The following RBFOX1 variants were observed in gnomAD, a reference collection of about 807,000 sequenced individuals.
RBFOX1 encodes RNA binding protein fox-1 homolog 1.
A neutral mutation model predicts 57.7 loss-of-function variants in RBFOX1; 8 were observed. The ratio of observed to expected loss-of-function variants is 0.14; its 90% CI spans 0.08 to 0.25. The LOEUF (loss-of-function observed/expected upper bound fraction) is 0.25, where lower values mean the gene tolerates loss of function less well. Among genes scored for constraint, RBFOX1 ranks in the 10% least tolerant of loss-of-function variants. RBFOX1 has a pLI of 1.00. For missense variants in RBFOX1, 611 were observed against 548.5 expected, an observed-to-expected ratio of 1.11 and a Z score of -1.14; for synonymous variants, 326 against 222.4, an observed-to-expected ratio of 1.47 and a Z score of -4.15.
chr16:7,613,851 G>A (rs769297292), intron 10 of RBFOX1, among the ~76,000 whole-genome samples: 1 of 152,090 alleles, frequency 6.6e-6, no homozygotes, highest in African/African-American at 2.4e-5. Flanking sequence ...AGTTAAGATT[G>A]TCTAGAACCC....
chr16:6,240,948 C>T (rs191175224), intron 1 of RBFOX1, among the ~76,000 whole-genome samples: 6 of 152,264 alleles, frequency 3.9e-5, no homozygotes, highest in African/African-American at 9.6e-5. Flanking sequence ...GTGTTTCTAC[C>T]GACTCACCCT....
intron 3 of RBFOX1, among the ~76,000 whole-genome samples, chr16:5,844,597 A>G (rs2056704934): frequency 6.6e-6 from 1 of 152,192 alleles, no homozygotes; most frequent in Admixed American, 6.5e-5. Flanking sequence ...CAAGGGAAAA[A>G]GGAAGGGGGA....
rs1006821072 is a variant in RBFOX1, at chr16:7,518,359, G to A, written c.240G>A (p.Thr80=). The A allele has an allele frequency of 3.7e-6, 6 of 1,612,760 alleles. No individual in the cohort carries two copies. The highest frequency in any genetic ancestry group is 2.7e-5 in the African/African-American group (2 of 75,036). The change falls in exon 5 of 16, where the codon ACG becomes ACA. Residue 80 remains threonine, a synonymous_variant. Transcript: ENST00000550418. ...ACTCCGAGCAGAGCCCGGCGGACAC[G>A]AGCGCTCAGACCGTCTCTGGCACCG... ...QTHSEQSPAD[T]SAQTVSGTAT...
intron 4 of RBFOX1, among the ~76,000 whole-genome samples, chr16:7,362,545 T>A (rs2097348764): frequency 6.6e-6 from 1 of 152,064 alleles, no homozygotes; most frequent in Non-Finnish European, 1.5e-5. Context: ...TGTGTAGATG[T>A]TAGTGTGTGG....
At chr16:6,833,141 GTATTTTATTT>G (rs572398164) in intron 3 of RBFOX1, among the ~76,000 whole-genome samples, 5 of 150,762 alleles carry the variant, frequency 3.3e-5, no homozygotes, top group South Asian at 4.2e-4. Context: ...TTCAAGTCTT[GTATTTTATTT>G]TATTTTATTT....
chr16:7,515,089 C>T (rs940340002), intron 4 of RBFOX1, among the ~76,000 whole-genome samples: 1 of 152,054 alleles, frequency 6.6e-6, no homozygotes, highest in Non-Finnish European at 1.5e-5. Context: ...GCAGAAGCTG[C>T]CTCTGGCACA....
chr16:6,463,506 G>A (rs912821004), intron 2 of RBFOX1, among the ~76,000 whole-genome samples: 3 of 152,142 alleles, frequency 2.0e-5, no homozygotes, highest in Non-Finnish European at 4.4e-5. Flanking sequence ...TGATGAACTA[G>A]TTAGATTTGA....
intron 3 of RBFOX1, among the ~76,000 whole-genome samples, chr16:6,944,354 C>A (rs968380388): frequency 3.3e-5 from 5 of 149,306 alleles, no homozygotes; most frequent in Non-Finnish European, 7.4e-5. Context: ...AAGATTGCGC[C>A]GTTGTACTCC....
intron 3 of RBFOX1, among the ~76,000 whole-genome samples, chr16:6,700,175 G>A (rs1568270398): frequency 6.6e-6 from 1 of 152,074 alleles, no homozygotes; most frequent in Non-Finnish European, 1.5e-5. Context: ...CCAGAGTCGG[G>A]GGACTTACTC....
chr16:5,270,901 G>C, intron 1 of RBFOX1: 1 of 410,510 alleles, frequency 2.4e-6, no homozygotes, highest in Non-Finnish European at 4.6e-6. Flanking sequence ...CGAGACACAT[G>C]CTAAAGTTGA....
At chr16:5,933,911 C>G (rs961703464) in intron 4 of RBFOX1, among the ~76,000 whole-genome samples, 10 of 151,874 alleles carry the variant, frequency 6.6e-5, no homozygotes, top group Non-Finnish European at 1.2e-4. Flanking sequence ...AGCCTAGTAC[C>G]CAATAATTAT....
Position 5,521,620 on chromosome 16 carries a change from T to C in RBFOX1, c.258+54366T>C, listed in dbSNP as rs1339159291. Among the ~76,000 whole-genome samples, 7 of 151,996 alleles carry C rather than the reference T, an allele frequency of 4.6e-5. No individual in the cohort carries two copies. In the East Asian group the frequency reaches 1.4e-3, roughly 29 times the overall value. On this transcript the variant is annotated intron_variant, in intron 2 of 2. Coordinates refer to the RBFOX1 transcript ENST00000585867. Reference sequence around the variant, plus strand: ...GGGACAGGTGGACACCAGAAGGCAATTGGAGCTCTGCCATCATGGACAAGA... The same window carrying C: ...GGGACAGGTGGACACCAGAAGGCAACTGGAGCTCTGCCATCATGGACAAGA...
At chr16:7,015,178 T>G (rs1381867379) in intron 3 of RBFOX1, among the ~76,000 whole-genome samples, 2 of 152,184 alleles carry the variant, frequency 1.3e-5, no homozygotes, top group Non-Finnish European at 2.9e-5. Flanking sequence ...AGTCTGGATT[T>G]GTTGTGGTGA....
intron 1 of RBFOX1, among the ~76,000 whole-genome samples, chr16:6,279,143 G>C (rs564636782): frequency 5.1e-4 from 77 of 152,212 alleles, no homozygotes; most frequent in Non-Finnish European, 6.5e-4. Context: ...GGTTCTGGGG[G>C]TGTTTATGGG....
intron 4 of RBFOX1, among the ~76,000 whole-genome samples, chr16:7,230,723 A>C (rs1039957831): frequency 6.6e-6 from 1 of 152,316 alleles, no homozygotes; most frequent in Admixed American, 6.5e-5. Flanking sequence ...CTTTAAGGCC[A>C]CTTCTGTCAA....
rs186423063 is a variant in RBFOX1 at position 6,701,071 on chromosome 16, A to G, written c.-16+46421A>G. ...AGTCAGACTATGATGTGAGCCTGGAAAGCCTCAGCTGACCCATTGGGGAGC... is the reference window on the plus strand; with the variant it reads ...AGTCAGACTATGATGTGAGCCTGGAGAGCCTCAGCTGACCCATTGGGGAGC... On this transcript the variant is annotated intron_variant, in intron 3 of 15. Transcript: ENST00000550418. 5.6e-4 allele frequency among the ~76,000 whole-genome samples: 85 copies of G among 152,054 alleles called. 1 individual carries two copies. Among genetic ancestry groups the G allele is most frequent in the African/African-American group, 2.0e-3 (82 of 41,476 alleles).
intron 4 of RBFOX1, among the ~76,000 whole-genome samples, chr16:7,476,267 C>G (rs1599406492): frequency 6.6e-6 from 1 of 152,240 alleles, no homozygotes; most frequent in Non-Finnish European, 1.5e-5. Context: ...GCCATAACTT[C>G]TGGCCTAGTC....
chr16:7,421,164 T>G (rs1273177356), intron 4 of RBFOX1, among the ~76,000 whole-genome samples: 2 of 152,048 alleles, frequency 1.3e-5, no homozygotes, highest in Non-Finnish European at 2.9e-5. Flanking sequence ...GAAAGTTGTA[T>G]GTAATAGAAA....
chr16:6,670,874 C>A (rs1020046509), intron 3 of RBFOX1, among the ~76,000 whole-genome samples: 1 of 151,876 alleles, frequency 6.6e-6, no homozygotes, highest in Non-Finnish European at 1.5e-5. Context: ...GTGGCGGGAG[C>A]CTGTAGTCCC....
Sources: gnomAD v4.1 joint callset for allele counts (sites outside exome capture counted in the v4.1 genomes callset) on GRCh38, gnomAD v4.1.1 for gene constraint, MANE v1.5 for transcripts, NCBI Gene and HGNC (gene_info 2026-07-23, HGNC 2026-07-21) for gene names.